Variants in RASGRF2 observed in about 807,000 individuals in gnomAD.
RASGRF2 encodes Ras protein specific guanine nucleotide releasing factor 2.
RASGRF2 carries 76 observed loss-of-function variants against 151.0 expected under a neutral mutation model. The ratio of observed to expected loss-of-function variants is 0.50; its 90% CI spans 0.42 to 0.61. The LOEUF is 0.61. Among genes scored for constraint, RASGRF2 ranks in the 20% least tolerant of loss-of-function variants. The pLI is 0.00. For missense variants in RASGRF2, 1,148 were observed against 1,564.6 expected, an observed-to-expected ratio of 0.73 and a Z score of 4.49; for synonymous variants, 504 against 566.5, an observed-to-expected ratio of 0.89 and a Z score of 1.57.
chr5:81,059,798 C>T (rs1038310223), intron 2 of RASGRF2, among the ~76,000 whole-genome samples: 8 of 151,992 alleles, frequency 5.3e-5, no homozygotes, highest in Non-Finnish European at 1.2e-4. Flanking sequence ...AAGCTGAGAT[C>T]GCGCCACTCC....
intron 25 of RASGRF2, 71 bp from the exon 26 acceptor site, chr5:81,219,639 G>A (rs189420334): frequency 5.7e-5 from 74 of 1,301,206 alleles, no homozygotes; most frequent in Non-Finnish European, 7.9e-5. Context: ...TCAGAAGAAT[G>A]TGCTGCAATG....
chr5:81,034,399 C>T (rs1012377344), intron 1 of RASGRF2, among the ~76,000 whole-genome samples: 13 of 152,188 alleles, frequency 8.5e-5, no homozygotes, highest in Non-Finnish European at 1.3e-4. Flanking sequence ...GGCGATTCCT[C>T]AGGGATCTAG....
chr5:81,143,415 T>C (rs1361778878), intron 17 of RASGRF2, among the ~76,000 whole-genome samples: 1 of 151,954 alleles, frequency 6.6e-6, no homozygotes, highest in Non-Finnish European at 1.5e-5. Context: ...CCCAAAGTGC[T>C]GGGATTACAG....
intron 18 of RASGRF2, among the ~76,000 whole-genome samples, chr5:81,184,192 G>A (rs542070319): frequency 2.6e-5 from 4 of 152,176 alleles, no homozygotes; most frequent in Non-Finnish European, 5.9e-5. Flanking sequence ...AGGGCCATGT[G>A]TTTAGACAGT....
intron 2 of RASGRF2, among the ~76,000 whole-genome samples, chr5:81,052,859 G>A (rs1016003609): frequency 6.6e-6 from 1 of 152,120 alleles, no homozygotes; most frequent in Non-Finnish European, 1.5e-5. Context: ...CATGAGGAAC[G>A]CTGATTCCAA....
At position 81,206,900 on chromosome 5, in the gene RASGRF2, C is replaced by A. The variant is rs1177941622; in HGVS notation, c.2962C>A (p.Gln988Lys). The A allele has an allele frequency of 6.2e-7, 1 of 1,605,896 alleles. No individual in the cohort carries two copies. Among genetic ancestry groups the A allele is most frequent in the South Asian group, 1.1e-5 (1 of 90,874 alleles). ...DIHLKLEDII[Q>K]MTDCMKAECF... is the part of the protein sequence containing the mutation. The stretch of plus-strand genomic sequence containing the variant: ...CCACCTAAAATTAGAGGATATAATT[C>A]AAATGGTAAGTCTGACCACATTTTT... Residue 988 changes from glutamine to lysine, a missense_variant, in exon 20 of 27, where the codon CAA becomes AAA. Gln to Lys is a moderately conservative substitution (Grantham distance 53, BLOSUM62 1). Coordinates refer to ENST00000265080, the MANE Select transcript of RASGRF2 (RefSeq NM_006909.3).
chr5:81,138,727 G>A (rs577068239), intron 17 of RASGRF2, among the ~76,000 whole-genome samples: 1 of 151,020 alleles, frequency 6.6e-6, no homozygotes, highest in Non-Finnish European at 1.5e-5. Flanking sequence ...AGCGACTTCA[G>A]CTCCAGGTAG....
chr5:81,219,113 C>G (rs2112747508), intron 25 of RASGRF2, among the ~76,000 whole-genome samples: 1 of 151,198 alleles, frequency 6.6e-6, no homozygotes, highest in Non-Finnish European at 1.5e-5. Context: ...GTTCTGTTGC[C>G]CAGGCTGGAG....
intron 1 of RASGRF2, among the ~76,000 whole-genome samples, chr5:81,010,971 T>C (rs928103591): frequency 1.3e-5 from 2 of 152,246 alleles, no homozygotes; most frequent in Non-Finnish European, 2.9e-5. Context: ...TGCGTTTGTA[T>C]GTTTTAAAGC....
intron 17 of RASGRF2, among the ~76,000 whole-genome samples, chr5:81,161,863 G>A (rs1026031153): frequency 4.0e-5 from 6 of 151,476 alleles, no homozygotes; most frequent in Non-Finnish European, 8.8e-5. Context: ...TGTCCTGTAT[G>A]CATTATCATC....
rs1323107764 is a variant in RASGRF2, at chr5:81,228,728, T to A, written c.*2958T>A. On this transcript the variant is annotated 3_prime_UTR_variant, in exon 27 of 27. Transcript: ENST00000265080. ...TCTAGTTTTGCTACAGGGACAAATC[T>A]CTTACCTAATCCAATATATTATTTG... 6.6e-6 allele frequency: 1 copy of A among 152,202 alleles called. No homozygotes were observed. Among genetic ancestry groups the A allele is most frequent in the African/African-American group, 2.4e-5 (1 of 41,446 alleles). 9.4% of individuals were successfully genotyped at this position (152,202 alleles called of 1,614,324 possible). A position where few individuals can be genotyped will look rare whatever the true frequency, so the allele number is the denominator to read the frequency against.
At chr5:80,969,828 T>TTTG (rs1747870311) in intron 1 of RASGRF2, among the ~76,000 whole-genome samples, 1 of 137,366 alleles carries the variant, frequency 7.3e-6, no homozygotes, top group African/African-American at 2.8e-5. Flanking sequence ...TTTTTTTTTT[T>TTTG]TTTTTTTTTT....
At chr5:80,995,876 A>G (rs545198782) in intron 1 of RASGRF2, among the ~76,000 whole-genome samples, 6 of 152,052 alleles carry the variant, frequency 3.9e-5, no homozygotes, top group Non-Finnish European at 7.4e-5. Flanking sequence ...TATTTTTACT[A>G]GAGATGGTGT....
chr5:81,068,250 C>T, intron 3 of RASGRF2, 71 bp downstream of exon 3: 2 of 1,523,520 alleles, frequency 1.3e-6, no homozygotes, highest in Non-Finnish European at 8.9e-7. Flanking sequence ...TTACTTAAGG[C>T]CTATTCAGGG....
At chr5:81,124,435 A>G (rs1174618701) in intron 16 of RASGRF2, among the ~76,000 whole-genome samples, 1 of 152,354 alleles carries the variant, frequency 6.6e-6, no homozygotes, top group East Asian at 1.9e-4. Flanking sequence ...GGGTTTACCA[A>G]AATGTTCCCA....
intron 1 of RASGRF2, among the ~76,000 whole-genome samples, chr5:81,029,651 C>A (rs1750166765): frequency 6.6e-6 from 1 of 152,206 alleles, no homozygotes; most frequent in South Asian, 2.1e-4. Flanking sequence ...ATCTGCACGT[C>A]ACCATCATCA....
chr5:81,049,615 C>T (rs183729459), intron 2 of RASGRF2, among the ~76,000 whole-genome samples: 2 of 152,300 alleles, frequency 1.3e-5, no homozygotes, highest in Admixed American at 6.5e-5. Context: ...TCACTTGGAT[C>T]CATTCCCCAG....
intron 12 of RASGRF2, among the ~76,000 whole-genome samples, chr5:81,104,686 G>A (rs1172095521): frequency 3.9e-5 from 6 of 152,124 alleles, no homozygotes; most frequent in Non-Finnish European, 7.3e-5. Flanking sequence ...CTGTTTATAT[G>A]TAACACTGTA....
intron 1 of RASGRF2, among the ~76,000 whole-genome samples, chr5:80,996,512 TCCTCCTCCCCCTCCTCCTCCTCCCCC>T (rs1748875036): frequency 1.5e-5 from 1 of 64,842 alleles, no homozygotes; most frequent in Non-Finnish European, 3.0e-5. Flanking sequence ...TTCCTCCTCC[TCCTCCTCCCCCTCCTCCTCCTCCCCC>T]TCCTCCTCCT....
Sources: gnomAD v4.1 joint callset for allele counts (sites outside exome capture counted in the v4.1 genomes callset) on GRCh38, gnomAD v4.1.1 for gene constraint, MANE v1.5 for transcripts, NCBI Gene and HGNC (gene_info 2026-07-23, HGNC 2026-07-21) for gene names.